The following POLA1 variants were observed in gnomAD, a reference collection of about 807,000 sequenced individuals.
POLA1 encodes the protein DNA polymerase alpha catalytic subunit.
Under a neutral mutation model 124.0 loss-of-function variants are expected in POLA1, and 15 were observed. That is an observed-to-expected ratio of 0.12 (90% CI 0.08 to 0.19). POLA1 has a LOEUF of 0.19. Among genes scored for constraint, POLA1 ranks in the 10% least tolerant of loss-of-function variants. POLA1 has a pLI of 1.00. For synonymous variants in POLA1, 408 were observed against 389.4 expected (o/e 1.05, Z -0.56); for missense variants, 886 against 1,103.4 (o/e 0.80, Z 2.79).
chrX:24,703,643 GC>G (rs1199520808), intron 3 of POLA1, among the ~76,000 whole-genome samples: 4 of 111,872 alleles, frequency 3.6e-5, no homozygotes, highest in Non-Finnish European at 7.5e-5. Flanking sequence ...TGTCTGTGGG[GC>G]CAATGCACAG....
intron 30 of POLA1, among the ~76,000 whole-genome samples, chrX:24,820,757 A>T (rs1350867477): frequency 1.9e-5 from 2 of 106,676 alleles, no homozygotes; most frequent in African/African-American, 6.9e-5. Context: ...AGAGTCTTCC[A>T]CTAATAGCAG....
chrX:24,816,579 G>A (rs2045991194), intron 30 of POLA1, among the ~76,000 whole-genome samples: 1 of 112,104 alleles, frequency 8.9e-6, no homozygotes, highest in South Asian at 3.8e-4. Context: ...ATTCCTTTTA[G>A]ATTTTGTTTT....
At chrX:24,697,942 A>AT (rs563410574) in intron 1 of POLA1, among the ~76,000 whole-genome samples, 2,363 of 99,899 alleles carry the variant, frequency 0.024, 60 homozygotes, top group African/African-American at 0.069. Flanking sequence ...CTGTGGATGA[A>AT]TTTTTTTTTT....
At chrX:24,857,843 A>G (rs1357682858) in intron 34 of POLA1, among the ~76,000 whole-genome samples, 1 of 111,718 alleles carries the variant, frequency 9.0e-6, no homozygotes, top group African/African-American at 3.2e-5. Context: ...TTAGATTTAC[A>G]TAAATATCTG....
intron 23 of POLA1, among the ~76,000 whole-genome samples, chrX:24,743,896 T>TC (rs1445346667): frequency 9.1e-6 from 1 of 110,342 alleles, no homozygotes; most frequent in East Asian, 2.8e-4. Context: ...TTTCTTTTTT[T>TC]CTTTTTTTTT....
chrX:24,887,918 T>A, intron 34 of POLA1, 88 bp from the exon 35 acceptor site: 3 of 555,796 alleles, frequency 5.4e-6, no homozygotes, highest in Non-Finnish European at 9.5e-6. Flanking sequence ...AAAGATTAAA[T>A]AAAATGAGTC....
intron 26 of POLA1, among the ~76,000 whole-genome samples, chrX:24,770,928 T>C (rs980372956): frequency 9.0e-6 from 1 of 111,488 alleles, no homozygotes; most frequent in African/African-American, 3.3e-5. Context: ...GAAAAGTTGC[T>C]GCCTCACATT....
intron 36 of POLA1, among the ~76,000 whole-genome samples, chrX:24,990,384 A>G (rs1435618409): frequency 1.8e-5 from 2 of 112,655 alleles, no homozygotes; most frequent in East Asian, 5.5e-4. Flanking sequence ...TGTTCAATTT[A>G]CAGGCTGGCT....
At chrX:24,805,167 A>G (rs2045776743) in intron 26 of POLA1, among the ~76,000 whole-genome samples, 1 of 109,760 alleles carries the variant, frequency 9.1e-6, no homozygotes, top group Non-Finnish European at 1.9e-5. Flanking sequence ...CTTTTCCCCT[A>G]ACGGCACTGT....
intron 26 of POLA1, among the ~76,000 whole-genome samples, chrX:24,767,533 A>T (rs1932935204): frequency 8.9e-6 from 1 of 112,605 alleles, no homozygotes; most frequent in Non-Finnish European, 1.9e-5. Context: ...TAAGCACTTT[A>T]TATGAATAGT....
intron 17 of POLA1, chrX:24,734,064 C>T (rs1240009498): frequency 4.5e-6 from 1 of 221,920 alleles, no homozygotes; most frequent in African/African-American, 2.9e-5. Context: ...AGGCTCAAAC[C>T]CCCCTCCAAT....
intron 20 of POLA1, 107 bp from the exon 21 acceptor site, chrX:24,741,268 G>GA: frequency 5.1e-6 from 3 of 584,445 alleles, no homozygotes; most frequent in South Asian, 7.0e-5. Flanking sequence ...CTGTTGCTCT[G>GA]AATTTACTTA....
intron 26 of POLA1, among the ~76,000 whole-genome samples, chrX:24,784,006 A>G (rs2045315174): frequency 9.1e-6 from 1 of 109,323 alleles, no homozygotes; most frequent in African/African-American, 3.3e-5. Context: ...TTTGGGGGGG[A>G]AGATAGTCAA....
At chrX:24,946,344 T>TGTGCTCATCTCTTGGG (rs373479258) in intron 36 of POLA1, among the ~76,000 whole-genome samples, 5 of 112,079 alleles carry the variant, frequency 4.5e-5, no homozygotes, top group South Asian at 3.8e-4. Context: ...TCCTGTGTCC[T>TGTGCTCATCTCTTGGG]GTGCTCATCT....
intron 35 of POLA1, 116 bp from the exon 36 acceptor site, chrX:24,930,337 T>C (rs1468127710): frequency 3.9e-6 from 2 of 514,343 alleles, no homozygotes; most frequent in Non-Finnish European, 6.7e-6. Flanking sequence ...CCACTTTCTT[T>C]AAAAAATGCT....
rs758835995 is a variant in POLA1, at chrX:24,916,558, C to T, written c.4165-13895C>T. Among the ~76,000 whole-genome samples, 10 of 111,243 alleles carry T rather than the reference C, an allele frequency of 9.0e-5. No homozygotes were observed. The South Asian group carries it at 1.2e-3, about 13-fold the overall frequency. Reference sequence around the variant, plus strand: ...CCTCCCAAAGTGCTGGGATTACAGGCGTGAGCCACCGCGCCCGGCCACTGA... The same window carrying T: ...CCTCCCAAAGTGCTGGGATTACAGGTGTGAGCCACCGCGCCCGGCCACTGA... On this transcript the variant is annotated intron_variant, in intron 35 of 36. Coordinates refer to ENST00000379068, the MANE Select transcript of POLA1 (RefSeq NM_001330360.2).
chrX:24,881,639 G>A (rs1190439357), intron 34 of POLA1, among the ~76,000 whole-genome samples: 2 of 111,538 alleles, frequency 1.8e-5, no homozygotes, highest in African/African-American at 6.5e-5. Flanking sequence ...CCAGGGGACC[G>A]ACCATCCATG....
chrX:24,807,799 T>C (rs147250312), intron 26 of POLA1, among the ~76,000 whole-genome samples: 3,298 of 111,273 alleles, frequency 0.03, 112 homozygotes, highest in African/African-American at 0.1. Context: ...AGTCAGCTCA[T>C]GCAGGAAGGA....
intron 4 of POLA1, among the ~76,000 whole-genome samples, chrX:24,710,266 C>G (rs964486494): frequency 9.0e-6 from 1 of 111,572 alleles, no homozygotes; most frequent in Non-Finnish European, 1.9e-5. Flanking sequence ...TACCCATTAG[C>G]AGTCACTCCC....
Sources: gnomAD v4.1 joint callset for allele counts (sites outside exome capture counted in the v4.1 genomes callset) on GRCh38, gnomAD v4.1.1 for gene constraint, MANE v1.5 for transcripts, NCBI Gene and HGNC (gene_info 2026-07-23, HGNC 2026-07-21) for gene names.